Variants in USP48 observed in about 807,000 individuals in gnomAD.
USP48 encodes the protein ubiquitin carboxyl-terminal hydrolase 48.
In USP48, 43 loss-of-function variants were observed where a neutral mutation model predicts 150.7. The ratio of observed to expected loss-of-function variants is 0.29; its 90% CI spans 0.22 to 0.37. The LOEUF is 0.37. USP48 is among the 10% of genes least tolerant of loss of function. The pLI is 1.00. For missense variants in USP48, 813 were observed against 1,249.6 expected (o/e 0.65, Z 5.27); for synonymous variants, 396 against 425.9 (o/e 0.93, Z 0.86).
chr1:21,721,587 C>A, intron 13 of USP48, 63 bp downstream of exon 13: 1 of 1,013,856 alleles, frequency 9.9e-7, no homozygotes, highest in Non-Finnish European at 1.4e-6. Context: ...TAACGAGATG[C>A]TTGGTTATGA....
chr1:21,767,643 T>C (rs1027058339), intron 1 of USP48, among the ~76,000 whole-genome samples: 26 of 151,854 alleles, frequency 1.7e-4, no homozygotes, highest in African/African-American at 6.3e-4. Context: ...TAGAGAGCTT[T>C]TTTTTTTTTT....
At chr1:21,779,553 AAATAAT>A (rs1007096935) in intron 1 of USP48, among the ~76,000 whole-genome samples, 52 of 152,068 alleles carry the variant, frequency 3.4e-4, no homozygotes, top group Middle Eastern at 3.4e-3. Context: ...CTCAAAAAAA[AAATAAT>A]AATAATAATA....
At chr1:21,771,407 ATTATAAT>A (rs1404159566) in intron 1 of USP48, among the ~76,000 whole-genome samples, 7 of 148,616 alleles carry the variant, frequency 4.7e-5, no homozygotes, top group Non-Finnish European at 7.4e-5. Flanking sequence ...TTATTAATAA[ATTATAAT>A]TTATAATTAT....
intron 1 of USP48, among the ~76,000 whole-genome samples, chr1:21,761,935 C>A (rs2097850965): frequency 6.6e-6 from 1 of 152,160 alleles, no homozygotes; most frequent in South Asian, 2.1e-4. Context: ...GCTTATAACT[C>A]ATCTCTAATG....
At chr1:21,697,581 T>A (rs1477438371) in intron 22 of USP48, among the ~76,000 whole-genome samples, 6 of 149,102 alleles carry the variant, frequency 4.0e-5, no homozygotes, top group Admixed American at 3.4e-4. Context: ...GAGAATGGCG[T>A]GAACCCGGGA....
chr1:21,709,675 T>C (rs1289545600), intron 15 of USP48, among the ~76,000 whole-genome samples: 1 of 152,086 alleles, frequency 6.6e-6, no homozygotes, highest in Non-Finnish European at 1.5e-5. Flanking sequence ...CAAACTTTAC[T>C]ATTAAATGAG....
At chr1:21,752,953 C>G (rs756036722) in intron 4 of USP48, 39 bp downstream of exon 4, 2 of 1,549,430 alleles carry the variant, frequency 1.3e-6, no homozygotes, top group Non-Finnish European at 1.7e-6. Context: ...GTTTGGGTAC[C>G]TCTGAATATT....
At chr1:21,719,782 G>A (rs1405340709) in intron 14 of USP48, among the ~76,000 whole-genome samples, 2 of 152,098 alleles carry the variant, frequency 1.3e-5, no homozygotes, top group East Asian at 1.9e-4. Context: ...CAGGAGAGCC[G>A]CTTGAACCCA....
At chr1:21,720,034 G>C (rs1351394197) in intron 14 of USP48, among the ~76,000 whole-genome samples, 1 of 152,188 alleles carries the variant, frequency 6.6e-6, no homozygotes, top group African/African-American at 2.4e-5. Context: ...ATGAACCACT[G>C]ATTATAGAAT....
intron 22 of USP48, among the ~76,000 whole-genome samples, chr1:21,696,727 C>A (rs1261278870): frequency 6.6e-6 from 1 of 151,936 alleles, no homozygotes; most frequent in African/African-American, 2.4e-5. Flanking sequence ...AAAGGATGCC[C>A]CTGGGTGTGC....
chr1:21,681,086 C>T (rs1361016410), intron 25 of USP48: 3 of 365,942 alleles, frequency 8.2e-6, no homozygotes, highest in Middle Eastern at 7.9e-4. Flanking sequence ...CTAGGGCACA[C>T]CTAGTGCACG....
intron 8 of USP48, among the ~76,000 whole-genome samples, chr1:21,744,843 A>G (rs1249060015): frequency 1.4e-5 from 2 of 146,120 alleles, no homozygotes; most frequent in Non-Finnish European, 1.5e-5. Flanking sequence ...GCAAGACTTG[A>G]GTTTGAGAGT....
At chr1:21,700,484 T>G (rs1455356217) in intron 22 of USP48, among the ~76,000 whole-genome samples, 2 of 152,176 alleles carry the variant, frequency 1.3e-5, no homozygotes, top group African/African-American at 4.8e-5. Flanking sequence ...GAAGTAACAG[T>G]ATCAACATGC....
chr1:21,761,151 C>A (rs915672444), intron 1 of USP48, among the ~76,000 whole-genome samples: 3 of 151,996 alleles, frequency 2.0e-5, no homozygotes, highest in African/African-American at 4.8e-5. Flanking sequence ...ATCATGTTGC[C>A]ATGTTTTTTA....
At chr1:21,764,543 CT>C (rs2152625539) in intron 1 of USP48, among the ~76,000 whole-genome samples, 1 of 150,800 alleles carries the variant, frequency 6.6e-6, no homozygotes, top group East Asian at 2.0e-4. Context: ...CCTGACTCTA[CT>C]AAAAATACAA....
intron 22 of USP48, among the ~76,000 whole-genome samples, chr1:21,699,514 A>T (rs1484326032): frequency 2.1e-5 from 3 of 141,648 alleles, no homozygotes; most frequent in Non-Finnish European, 4.6e-5. Flanking sequence ...TTGTATTTTT[A>T]TTTATTTATT....
intron 19 of USP48, among the ~76,000 whole-genome samples, chr1:21,705,221 T>A (rs2097668820): frequency 6.6e-6 from 1 of 152,200 alleles, no homozygotes; most frequent in African/African-American, 2.4e-5. Flanking sequence ...TATATCACGA[T>A]TTTTGGTAAA....
chr1:21,690,220 C>CTT, intron 23 of USP48, 121 bp from the exon 24 acceptor site: 1 of 1,183,666 alleles, frequency 8.4e-7, no homozygotes, highest in African/African-American at 1.6e-5. Flanking sequence ...TACAAAACCA[C>CTT]TATTGTTTAC....
Position 21,679,421 on chromosome 1 carries a change from T to C in USP48, c.3104A>G (p.His1035Arg), listed in dbSNP as rs372358243. ...EGFKGTGLLG[H>R] ...CAGTCAGCAAGTATTCAAAGATTAA[T>C]GTCCAAGAAGACCAGTACCTGGGAA... Residue 1035 changes from histidine to arginine, a missense_variant, in exon 27 of 27, where the codon CAT (histidine) becomes CGT (arginine). Physicochemically the swap from His to Arg is conservative, Grantham distance 29. Transcript: ENST00000308271. The C allele has an allele frequency of 6.2e-7, 1 of 1,614,042 alleles. No homozygotes were observed. The highest frequency in any genetic ancestry group is 8.5e-7 in the Non-Finnish European group (1 of 1,180,048).
Sources: allele counts gnomAD v4.1 joint callset (sites outside exome capture counted in the v4.1 genomes callset), GRCh38; gene constraint gnomAD v4.1.1; transcripts MANE v1.5; gene names NCBI Gene and HGNC (gene_info 2026-07-23, HGNC 2026-07-21).